RORA: variants seen among roughly 807,000 people sequenced by gnomAD.
The protein encoded by RORA is RAR related orphan receptor A.
RORA carries 7 observed loss-of-function variants against 69.5 expected under a neutral mutation model. The ratio of observed to expected loss-of-function variants is 0.10; its 90% CI spans 0.06 to 0.19. RORA has a LOEUF of 0.19. RORA is among the 10% of genes least tolerant of loss of function. RORA has a pLI of 1.00. For missense variants in RORA, 457 were observed against 663.0 expected, an observed-to-expected ratio of 0.69 and a Z score of 3.41; for synonymous variants, 261 against 240.8, an observed-to-expected ratio of 1.08 and a Z score of -0.78.
At position 60,493,575 on chromosome 15, in the gene RORA, AT is replaced by A; in HGVS notation, c.*3879del. On this transcript the variant is annotated 3_prime_UTR_variant, in exon 11 of 11. Transcript: ENST00000335670. ...AAAACACACATTTCTACTATGGCAC[AT>A]TCAATGAAATAAAAAGTTTTCCAAA... 6.6e-6 allele frequency: 1 copy of A among 152,234 alleles called. No individual in the cohort carries two copies. Among genetic ancestry groups the A allele is most frequent in the East Asian group, 1.9e-4 (1 of 5,204 alleles). 9.4% of individuals were successfully genotyped at this position (152,234 alleles called of 1,614,324 possible). A position where few individuals can be genotyped will look rare whatever the true frequency, so the allele number is the denominator to read the frequency against.
chr15:60,493,981 A>ACACACACACT lies in RORA; in HGVS notation c.*3473_*3474insAGTGTGTGTG, dbSNP rs2065104559. The ACACACACACT allele has an allele frequency of 6.9e-6, 1 of 145,400 alleles. No individual in the cohort carries two copies. The highest frequency in any genetic ancestry group is 2.6e-5 in the African/African-American group (1 of 38,408). 9.0% of individuals were successfully genotyped at this position (145,400 alleles called of 1,614,324 possible). A position where few individuals can be genotyped will look rare whatever the true frequency, so the allele number is the denominator to read the frequency against. On this transcript the variant is annotated 3_prime_UTR_variant, in exon 11 of 11. Transcript: ENST00000335670. ...CACACACACACACACACACACACAC[A>ACACACACACT]CACACACTCCTTCCTCACCTGACCC...
At chr15:60,699,846 A>T (rs2553230) in intron 1 of RORA, among the ~76,000 whole-genome samples, 1,503 of 133,972 alleles carry the variant, frequency 0.011, 25 homozygotes, top group African/African-American at 0.033. Flanking sequence ...TGATTCTATT[A>T]AAAAAAAAAA....
chr15:61,227,162 C>T (rs2080152815), intron 1 of RORA, among the ~76,000 whole-genome samples: 1 of 139,428 alleles, frequency 7.2e-6, no homozygotes. Flanking sequence ...GGTGGCAGCA[C>T]AAACCAAAAA....
At chr15:60,654,478 G>A (rs1318379973) in intron 2 of RORA, among the ~76,000 whole-genome samples, 1 of 152,160 alleles carries the variant, frequency 6.6e-6, no homozygotes. Flanking sequence ...AAGTAGACCC[G>A]AGGCTCTCTG....
rs987553599 is a variant in RORA at position 60,488,658 on chromosome 15, T to C, written c.*8797A>G. The C allele has an allele frequency of 1.3e-5, 2 of 152,238 alleles. No homozygotes were observed. The highest frequency in any genetic ancestry group is 4.8e-5 in the African/African-American group (2 of 41,454). The allele number at this position is 152,238 out of a possible 1,614,324, so 9.4% of individuals were successfully genotyped here. A position where few individuals can be genotyped will look rare whatever the true frequency, so the allele number is the denominator to read the frequency against. ...CAAAGTTTTAGTTCAATACTAGTTT[T>C]AGGATTCCCATAAATGGCTTGCATT... On this transcript the variant is annotated 3_prime_UTR_variant, in exon 11 of 11. Coordinates refer to ENST00000335670, the MANE Select transcript of RORA (RefSeq NM_134261.3).
At chr15:60,748,326 C>A (rs11367822) in intron 1 of RORA, among the ~76,000 whole-genome samples, 2,131 of 7,070 alleles carry the variant, frequency 0.3, 147 homozygotes, top group Middle Eastern at 0.5. Context: ...AAAAAAAAAA[C>A]ACACACACAT....
At chr15:60,654,351 T>A (rs767484242) in intron 2 of RORA, among the ~76,000 whole-genome samples, 2 of 152,208 alleles carry the variant, frequency 1.3e-5, no homozygotes, top group Non-Finnish European at 2.9e-5. Context: ...CATATTTCAC[T>A]TTACACATTT....
intron 2 of RORA, among the ~76,000 whole-genome samples, chr15:60,607,950 T>C (rs141414378): frequency 2.5e-4 from 38 of 152,358 alleles, no homozygotes; most frequent in African/African-American, 8.4e-4. Context: ...TGCACACACA[T>C]GATACCGATA....
intron 1 of RORA, among the ~76,000 whole-genome samples, chr15:61,116,762 T>C (rs1442716363): frequency 2.2e-5 from 1 of 46,312 alleles, no homozygotes; most frequent in Non-Finnish European, 3.5e-5. Context: ...GCTGAGAGAA[T>C]TTTTTTTTCT....
intron 1 of RORA, among the ~76,000 whole-genome samples, chr15:60,875,550 C>CAA (rs1338802392): frequency 2.6e-5 from 4 of 152,126 alleles, no homozygotes; most frequent in Non-Finnish European, 5.9e-5. Context: ...GGTATGTCTA[C>CAA]AAATGGTAGC....
chr15:60,567,156 A>G (rs2067736028), intron 2 of RORA, among the ~76,000 whole-genome samples: 2 of 151,802 alleles, frequency 1.3e-5, no homozygotes, highest in Non-Finnish European at 2.9e-5. Context: ...TAACCAGGGA[A>G]TTTCACATTA....
chr15:61,159,081 G>C (rs1391417905), intron 1 of RORA, among the ~76,000 whole-genome samples: 1 of 152,088 alleles, frequency 6.6e-6, no homozygotes, highest in African/African-American at 2.4e-5. Flanking sequence ...TAAATAGATA[G>C]ACATAACTAG....
chr15:60,502,885 TGGTTTG>T lies in RORA; in HGVS notation c.1076-24_1076-19del. The T allele has an allele frequency of 6.4e-7, 1 of 1,551,204 alleles. No individual in the cohort carries two copies. On this transcript the variant is annotated intron_variant, in intron 7 of 10. Transcript: ENST00000335670. ...TAGAGAACCTAAGCAGAGGCAGAAATGGTTTGGGTCATTTGGGTCATCTGATGTTAG... is the reference window on the plus strand; with the variant it reads ...TAGAGAACCTAAGCAGAGGCAGAAATGGTCATTTGGGTCATCTGATGTTAG...
rs531358183 is a variant in RORA, at chr15:61,057,664, T to A, written c.166+171389A>T. On this transcript the variant is annotated intron_variant, in intron 1 of 10. Coordinates refer to ENST00000335670, the MANE Select transcript of RORA (RefSeq NM_134261.3). ...TCTATAGAAACTTCTTGTTTCTTTG[T>A]CTCTTTCGTTTCTCCTCAACACAGG... is the stretch of plus-strand genomic sequence containing the variant. Among the ~76,000 whole-genome samples the A allele has an allele frequency of 1.3e-3, 194 of 152,292 alleles. 1 individual carries two copies. Among genetic ancestry groups the A allele is most frequent in the African/African-American group, 4.5e-3 (188 of 41,548 alleles).
intron 1 of RORA, among the ~76,000 whole-genome samples, chr15:60,969,981 T>G (rs1243401358): frequency 6.6e-6 from 1 of 152,192 alleles, no homozygotes; most frequent in Non-Finnish European, 1.5e-5. Context: ...AGAGAGCTCA[T>G]GTATGTGCAC....
intron 1 of RORA, among the ~76,000 whole-genome samples, chr15:60,876,311 T>TGGGGGGGGGGGG (rs56278031): frequency 2.0e-5 from 2 of 102,452 alleles, no homozygotes; most frequent in Non-Finnish European, 4.1e-5. Context: ...TTACAGGAAG[T>TGGGGGGGGGGGG]GGGGGGGGGG....
At chr15:60,800,231 C>T (rs2072559441) in intron 1 of RORA, among the ~76,000 whole-genome samples, 1 of 152,108 alleles carries the variant, frequency 6.6e-6, no homozygotes, top group South Asian at 2.1e-4. Context: ...ACTACTGATA[C>T]AAATACTTGT....
chr15:60,939,923 A>C (rs1892640609), intron 1 of RORA, among the ~76,000 whole-genome samples: 1 of 152,212 alleles, frequency 6.6e-6, no homozygotes, highest in South Asian at 2.1e-4. Context: ...TAAATATTGG[A>C]TACTGCATTT....
At chr15:61,188,318 G>A (rs1013149525) in intron 1 of RORA, among the ~76,000 whole-genome samples, 1 of 152,220 alleles carries the variant, frequency 6.6e-6, no homozygotes, top group Non-Finnish European at 1.5e-5. Context: ...GTGTCAACAA[G>A]TAGGTGTGGC....
Sources: gnomAD v4.1 joint callset for allele counts (sites outside exome capture counted in the v4.1 genomes callset) on GRCh38, gnomAD v4.1.1 for gene constraint, MANE v1.5 for transcripts, NCBI Gene and HGNC (gene_info 2026-07-23, HGNC 2026-07-21) for gene names.